The following GBF1 variants were observed in gnomAD, a reference collection of about 807,000 sequenced individuals.
GBF1 encodes the protein Golgi-specific brefeldin A-resistance guanine nucleotide exchange factor 1.
GBF1 carries 114 observed loss-of-function variants against 210.5 expected under a neutral mutation model. The ratio of observed to expected loss-of-function variants is 0.54; its 90% CI spans 0.47 to 0.63. The LOEUF (loss-of-function observed/expected upper bound fraction) is 0.63. Among genes scored for constraint, GBF1 ranks in the 30% least tolerant of loss-of-function variants. The probability of loss-of-function intolerance (pLI) is 0.00; values close to 1 mark genes in which losing one functional copy is unlikely to be tolerated. For missense variants in GBF1, 1,851 were observed against 2,357.7 expected (o/e 0.79, Z 4.45); for synonymous variants, 850 against 889.2 (o/e 0.96, Z 0.78).
chr10:102,375,616 C>G, intron 30 of GBF1, 32 bp downstream of exon 30: 3 of 1,393,088 alleles, frequency 2.2e-6, no homozygotes, highest in Non-Finnish European at 3.0e-6. Context: ...CTCAGGCTGG[C>G]AGATAAACAG....
rs546069888 is a variant in GBF1, at chr10:102,363,826, T to C, written c.2106+28T>C. The C allele has an allele frequency of 7.7e-7, 1 of 1,294,844 alleles. No homozygotes were observed. The highest frequency in any genetic ancestry group is 1.5e-5 in the African/African-American group (1 of 68,860). 80.2% of individuals were successfully genotyped at this position (1,294,844 alleles called of 1,614,324 possible). A position where few individuals can be genotyped will look rare whatever the true frequency, so the allele number is the denominator to read the frequency against. On this transcript the variant is annotated intron_variant, in intron 17 of 39. Coordinates refer to ENST00000369983, the MANE Select transcript of GBF1 (RefSeq NM_001377137.1). This position sits in a 1 kb window ranked among gnomAD's most constrained non-coding sequence, Gnocchi z 4.2. The stretch of plus-strand genomic sequence containing the variant: ...ACATACATGTATTCCCCAGCCTCTG[T>C]CCACCTCTGTCTGGGTGTCCAGTGT...
intron 3 of GBF1, among the ~76,000 whole-genome samples, chr10:102,296,874 G>A (rs1326131779): frequency 2.0e-5 from 3 of 151,842 alleles, no homozygotes; most frequent in Non-Finnish European, 2.9e-5. Flanking sequence ...GTGAAATCCC[G>A]TCTCTACTAA....
Position 102,382,624 on chromosome 10 carries a change from C to T in GBF1, c.*288C>T, listed in dbSNP as rs1333090893. On this transcript the variant is annotated 3_prime_UTR_variant, in exon 40 of 40. Transcript: ENST00000369983. Reference sequence around the variant, plus strand: ...AGCCCGGCAGCTCTGGGGAGGCATCCGTGTGCCGGCCCTGCAGTGCCTGCC... The same window carrying T: ...AGCCCGGCAGCTCTGGGGAGGCATCTGTGTGCCGGCCCTGCAGTGCCTGCC... The T allele has an allele frequency of 7.8e-6, 3 of 382,506 alleles. No individual in the cohort carries two copies. Among genetic ancestry groups the T allele is most frequent in the Admixed American group, 4.3e-5 (1 of 23,220 alleles). 23.7% of individuals were successfully genotyped at this position (382,506 alleles called of 1,614,324 possible).
chr10:102,353,402 T>A (rs1015853041), intron 7 of GBF1, among the ~76,000 whole-genome samples, 198 bp from the exon 8 acceptor site: 1 of 152,172 alleles, frequency 6.6e-6, no homozygotes, highest in East Asian at 1.9e-4. Flanking sequence ...CCTCCTTTTG[T>A]CCATGTCACA....
intron 3 of GBF1, among the ~76,000 whole-genome samples, chr10:102,290,464 A>G (rs746205306): frequency 2.0e-5 from 3 of 151,990 alleles, no homozygotes; most frequent in Non-Finnish European, 4.4e-5. Flanking sequence ...CTCTGTGTTG[A>G]TAACAGTTTT....
intron 3 of GBF1, among the ~76,000 whole-genome samples, chr10:102,295,657 C>T (rs935614328): frequency 2.4e-4 from 36 of 152,048 alleles, no homozygotes; most frequent in African/African-American, 8.4e-4. Flanking sequence ...GATATTTGGG[C>T]GTTTGTTAGT....
chr10:102,267,533 C>T (rs1213644428), intron 3 of GBF1, among the ~76,000 whole-genome samples: 1 of 146,748 alleles, frequency 6.8e-6, no homozygotes, highest in Non-Finnish European at 1.5e-5. Flanking sequence ...ACAACAAAAG[C>T]GAGTATGTTA....
intron 3 of GBF1, among the ~76,000 whole-genome samples, chr10:102,293,057 A>G (rs1160829733): frequency 6.6e-6 from 1 of 152,156 alleles, no homozygotes; most frequent in East Asian, 1.9e-4. Flanking sequence ...TGTCAAGAGA[A>G]CCTCTTCTAT....
chr10:102,251,274 A>C (rs2071495478), intron 1 of GBF1, among the ~76,000 whole-genome samples: 1 of 152,142 alleles, frequency 6.6e-6, no homozygotes, highest in South Asian at 2.1e-4. Flanking sequence ...ATATATTATC[A>C]AAAAAAGGTT....
chr10:102,357,486 CAAAA>C (rs1173962338), intron 8 of GBF1, among the ~76,000 whole-genome samples: 1 of 101,156 alleles, frequency 9.9e-6, no homozygotes. Context: ...GACTCCATCT[CAAAA>C]AAAAAAAAAA....
chr10:102,377,110 C>T lies in GBF1; in HGVS notation c.4464C>T (p.Tyr1488=), dbSNP rs1401723865. The T allele has an allele frequency of 8.7e-6, 14 of 1,614,022 alleles. No individual in the cohort carries two copies. Among genetic ancestry groups the T allele is most frequent in the Non-Finnish European group, 1.0e-5 (12 of 1,179,942 alleles). ...DDEDEGVPAS[Y]HTVSLQVSQD... is the part of the protein sequence containing the mutation. ...AGGACGAAGGCGTGCCTGCCAGCTA[C>T]CATACGGTGTCTTTACAGGTCAGTC... is the stretch of plus-strand genomic sequence containing the variant. The change falls in exon 33 of 40, where the codon TAC becomes TAT. Residue 1488 remains tyrosine (Y), a synonymous_variant. Coordinates refer to ENST00000369983, the MANE Select transcript of GBF1 (RefSeq NM_001377137.1).
intron 3 of GBF1, among the ~76,000 whole-genome samples, chr10:102,294,585 G>A (rs2076764270): frequency 6.6e-6 from 1 of 151,760 alleles, no homozygotes; most frequent in African/African-American, 2.4e-5. Context: ...GTTTCACCGT[G>A]TTAGCCAGGA....
chr10:102,271,077 G>A (rs1203032599), intron 3 of GBF1, among the ~76,000 whole-genome samples: 5 of 150,800 alleles, frequency 3.3e-5, no homozygotes, highest in African/African-American at 1.2e-4. Flanking sequence ...TTGCTCTTTC[G>A]CCCAGGCTGG....
chr10:102,343,153 C>T (rs1435004434), intron 3 of GBF1, among the ~76,000 whole-genome samples: 1 of 152,212 alleles, frequency 6.6e-6, no homozygotes, highest in Non-Finnish European at 1.5e-5. Flanking sequence ...AGATTACAGA[C>T]TGCCTCCATG....
chr10:102,273,282 A>T (rs1044177887), intron 3 of GBF1, among the ~76,000 whole-genome samples: 1 of 152,190 alleles, frequency 6.6e-6, no homozygotes, highest in Non-Finnish European at 1.5e-5. Flanking sequence ...CAGTGAGCCG[A>T]AGTCGCGCCA....
chr10:102,382,142 A>G lies in GBF1; in HGVS notation c.5389A>G (p.Thr1797Ala), dbSNP rs769024517. The G allele has an allele frequency of 6.2e-7, 1 of 1,610,712 alleles. No homozygotes were observed. The highest frequency in any genetic ancestry group is 8.5e-7 in the Non-Finnish European group (1 of 1,178,026). ...VASSPSRLSP[T>A]PDGPPPLAQP... ...CTCAAGCCCCAGCAGGCTGAGCCCC[A>G]CCCCCGACGGGCCTCCACCCTTGGC... Residue 1797 changes from threonine to alanine, a missense_variant, in exon 40 of 40, where the codon ACC (threonine) becomes GCC (alanine). Physicochemically the swap from Thr to Ala is moderately conservative, Grantham distance 58. Transcript: ENST00000369983.
intron 3 of GBF1, among the ~76,000 whole-genome samples, chr10:102,301,670 C>T (rs1431319508): frequency 3.8e-4 from 47 of 122,930 alleles, no homozygotes; most frequent in Non-Finnish European, 5.8e-4. Flanking sequence ...CCAGATGGGG[C>T]GGCGGGGCAG....
chr10:102,281,928 T>C (rs2075523915), intron 3 of GBF1, among the ~76,000 whole-genome samples: 1 of 151,386 alleles, frequency 6.6e-6, no homozygotes. Context: ...TTTCTTTCTT[T>C]TCTTTTTTTT....
the GBF1 span, among the ~76,000 whole-genome samples, chr10:102,237,879 C>T: frequency 6.6e-6 from 1 of 151,786 alleles, no homozygotes; most frequent in Admixed American, 6.6e-5. Flanking sequence ...GTACTGCCCT[C>T]CTCCCCCGCC....
Sources: gnomAD v4.1 joint callset for allele counts (sites outside exome capture counted in the v4.1 genomes callset) on GRCh38, gnomAD v4.1.1 for gene constraint, Gnocchi (gnomAD v3.1) non-coding constraint, MANE v1.5 for transcripts, NCBI Gene and HGNC (gene_info 2026-07-23, HGNC 2026-07-21) for gene names.